TDRD9: variants seen among roughly 807,000 people sequenced by gnomAD.
The protein encoded by TDRD9 is tudor domain containing 9, also known as ATP-dependent RNA helicase TDRD9.
Under a neutral mutation model 172.6 loss-of-function variants are expected in TDRD9, and 124 were observed. The observed-to-expected ratio is 0.72, with a 90% CI of 0.62 to 0.83. The LOEUF is 0.83. Among genes scored for constraint, TDRD9 ranks in the 40% least tolerant of loss-of-function variants. TDRD9 has a pLI of 0.00. For synonymous variants in TDRD9, 619 were observed against 617.1 expected, an observed-to-expected ratio of 1.00 and a Z score of -0.05; for missense variants, 1,479 against 1,714.1, an observed-to-expected ratio of 0.86 and a Z score of 2.42.
chr14:104,007,391 C>G (rs916594455), intron 19 of TDRD9, among the ~76,000 whole-genome samples, 187 bp downstream of exon 19: 1 of 152,194 alleles, frequency 6.6e-6, no homozygotes, highest in African/African-American at 2.4e-5. Context: ...GGTCCTTTTG[C>G]TTCCATCGCT....
intron 7 of TDRD9, among the ~76,000 whole-genome samples, chr14:103,979,292 C>A (rs867108518): frequency 6.6e-6 from 1 of 152,174 alleles, no homozygotes; most frequent in South Asian, 2.1e-4. Context: ...CTGTTGTACA[C>A]CTAGGTTGAT....
intron 6 of TDRD9, among the ~76,000 whole-genome samples, chr14:103,973,604 C>T (rs1595934029): frequency 6.6e-6 from 1 of 152,344 alleles, no homozygotes; most frequent in Non-Finnish European, 1.5e-5. Flanking sequence ...AGGCTGAGTC[C>T]TGCTTGCTCC....
At chr14:104,036,857 C>T (rs2035464092) in intron 32 of TDRD9, among the ~76,000 whole-genome samples, 1 of 152,152 alleles carries the variant, frequency 6.6e-6, no homozygotes, top group African/African-American at 2.4e-5. Context: ...GACTAGTTGT[C>T]TTTGAATCCA....
At chr14:104,018,022 G>C in intron 22 of TDRD9, 70 bp from the exon 23 acceptor site, 2 of 892,198 alleles carry the variant, frequency 2.2e-6, no homozygotes, top group Non-Finnish European at 3.6e-6. Context: ...CAGCAGCTTT[G>C]AGCTTGTGAA....
At chr14:104,007,332 G>A in intron 19 of TDRD9, 128 bp downstream of exon 19, 1 of 804,102 alleles carries the variant, frequency 1.2e-6, no homozygotes, top group Non-Finnish European at 2.0e-6. Context: ...GTCACTGTCA[G>A]TGCTCGCACG....
chr14:103,946,401 A>G (rs2031561339), intron 1 of TDRD9, among the ~76,000 whole-genome samples: 4 of 152,248 alleles, frequency 2.6e-5, no homozygotes, highest in African/African-American at 9.6e-5. Flanking sequence ...GAAGGAAACT[A>G]CTAGCATAAT....
At chr14:103,941,795 G>T in intron 1 of TDRD9, 1 of 923,048 alleles carries the variant, frequency 1.1e-6, no homozygotes, top group Non-Finnish European at 1.6e-6. Flanking sequence ...CCCGAAAAGT[G>T]CACGATTTTT....
At position 104,034,253 on chromosome 14, in the gene TDRD9, C is replaced by T. The variant is rs564131076; in HGVS notation, c.3619+184C>T. 5.0e-5 allele frequency among the ~76,000 whole-genome samples: 7 copies of T among 139,454 alleles called. No homozygotes were observed. The South Asian group carries it at 6.8e-4, about 14-fold the overall frequency. The allele number at this position is 139,454 out of a possible 152,430, so 91.5% of individuals were successfully genotyped here. On this transcript the variant is annotated intron_variant, in intron 31 of 35. Coordinates refer to ENST00000409874, the MANE Select transcript of TDRD9 (RefSeq NM_153046.3). ...TCGCCCAGGCTAGAGTGCAGTGGCG[C>T]GATCTCGGCTCACTGCAAGCTCCAC...
chr14:104,031,668 C>T (rs2062555745), intron 29 of TDRD9, among the ~76,000 whole-genome samples: 1 of 151,904 alleles, frequency 6.6e-6, no homozygotes, highest in Non-Finnish European at 1.5e-5. Flanking sequence ...ACTTGTGTTT[C>T]CCCAGCCTCT....
intron 1 of TDRD9, among the ~76,000 whole-genome samples, chr14:103,954,847 T>A (rs2032117760): frequency 6.6e-6 from 1 of 152,202 alleles, no homozygotes; most frequent in African/African-American, 2.4e-5. Context: ...CAGGCTGGTC[T>A]TGAACTCCTG....
chr14:103,996,085 G>GT (rs2034050209), intron 12 of TDRD9, among the ~76,000 whole-genome samples: 1 of 152,150 alleles, frequency 6.6e-6, no homozygotes, highest in Non-Finnish European at 1.5e-5. Flanking sequence ...GGGCTGCCAG[G>GT]TGGAGTTCTG....
At chr14:103,962,414 G>T (rs1438043154) in intron 2 of TDRD9, among the ~76,000 whole-genome samples, 2 of 152,220 alleles carry the variant, frequency 1.3e-5, no homozygotes, top group Non-Finnish European at 2.9e-5. Flanking sequence ...GGCTGTGATG[G>T]AGGGATAGAA....
intron 7 of TDRD9, among the ~76,000 whole-genome samples, chr14:103,985,948 G>T (rs1469284436): frequency 6.6e-6 from 1 of 152,164 alleles, no homozygotes; most frequent in East Asian, 1.9e-4. Context: ...CAAACACACT[G>T]CCTGTGCATG....
At chr14:103,958,301 A>G (rs1004242259) in intron 2 of TDRD9, among the ~76,000 whole-genome samples, 3 of 152,048 alleles carry the variant, frequency 2.0e-5, no homozygotes, top group African/African-American at 4.8e-5. Flanking sequence ...GTGGGGGTGC[A>G]GGGAGGGAAA....
intron 9 of TDRD9, among the ~76,000 whole-genome samples, chr14:103,993,841 G>A (rs1036541400): frequency 6.6e-6 from 1 of 152,176 alleles, no homozygotes; most frequent in African/African-American, 2.4e-5. Flanking sequence ...GTCTTTTTAG[G>A]GGACACAGTT....
At chr14:104,038,829 C>G (rs1222559262) in intron 32 of TDRD9, among the ~76,000 whole-genome samples, 1 of 152,128 alleles carries the variant, frequency 6.6e-6, no homozygotes, top group African/African-American at 2.4e-5. Flanking sequence ...ACCACCACAC[C>G]TGGCTAATTT....
At chr14:103,986,415 T>C in intron 8 of TDRD9, 95 bp downstream of exon 8, 6 of 875,126 alleles carry the variant, frequency 6.9e-6, no homozygotes, top group South Asian at 1.8e-5. Flanking sequence ...TAAGAAGGTA[T>C]AACTATAGGT....
chr14:103,949,801 T>C (rs941591086), intron 1 of TDRD9, among the ~76,000 whole-genome samples: 21 of 152,006 alleles, frequency 1.4e-4, no homozygotes, highest in African/African-American at 5.1e-4. Flanking sequence ...TGCCTCAGCC[T>C]CCCGAGTAGC....
intron 24 of TDRD9, among the ~76,000 whole-genome samples, chr14:104,023,144 C>G (rs1409723078): frequency 7.2e-6 from 1 of 139,108 alleles, no homozygotes; most frequent in Non-Finnish European, 1.5e-5. Flanking sequence ...GAGATCACGC[C>G]ACTGCACTCC....
Sources: gnomAD v4.1 joint callset for allele counts (sites outside exome capture counted in the v4.1 genomes callset) on GRCh38, gnomAD v4.1.1 for gene constraint, MANE v1.5 for transcripts, NCBI Gene and HGNC (gene_info 2026-07-23, HGNC 2026-07-21) for gene names.